OXCT1: variants seen among roughly 807,000 people sequenced by gnomAD.
OXCT1 encodes succinyl-CoA:3-ketoacid coenzyme A transferase 1, mitochondrial.
A neutral mutation model predicts 69.6 loss-of-function variants in OXCT1; 27 were observed. The observed-to-expected ratio is 0.39, with a 90% CI of 0.29 to 0.54. The LOEUF (loss-of-function observed/expected upper bound fraction) is 0.54. OXCT1 is among the 20% of genes least tolerant of loss of function. OXCT1 has a pLI of 0.72. For synonymous variants in OXCT1, 202 were observed against 217.8 expected (o/e 0.93, Z 0.64); for missense variants, 437 against 650.2 (o/e 0.67, Z 3.57).
At chr5:41,742,292 C>A (rs1743208063) in intron 15 of OXCT1, among the ~76,000 whole-genome samples, 1 of 152,004 alleles carries the variant, frequency 6.6e-6, no homozygotes, top group South Asian at 2.1e-4. Flanking sequence ...AAGGTGCAAA[C>A]AAAAAATTGA....
At chr5:41,789,158 CTT>C (rs1386508796) in intron 13 of OXCT1, among the ~76,000 whole-genome samples, 3 of 152,200 alleles carry the variant, frequency 2.0e-5, no homozygotes, top group Non-Finnish European at 4.4e-5. Context: ...GTTGGCAAAT[CTT>C]TTCTGTAAAG....
chr5:41,811,127 G>C (rs1746965909), intron 7 of OXCT1, among the ~76,000 whole-genome samples: 1 of 150,550 alleles, frequency 6.6e-6, no homozygotes, highest in Admixed American at 6.6e-5. Flanking sequence ...ATAAAAGGGG[G>C]AGACAATAAG....
intron 1 of OXCT1, among the ~76,000 whole-genome samples, chr5:41,863,245 A>G (rs1161319072): frequency 6.6e-6 from 1 of 152,194 alleles, no homozygotes; most frequent in Non-Finnish European, 1.5e-5. Context: ...CCCCTTGGAT[A>G]AGGGAGGATA....
At chr5:41,843,119 T>C (rs1337045748) in intron 5 of OXCT1, among the ~76,000 whole-genome samples, 2 of 152,232 alleles carry the variant, frequency 1.3e-5, no homozygotes, top group African/African-American at 4.8e-5. Context: ...AAATAGTCCT[T>C]CTTTCCCTCT....
chr5:41,804,073 T>G (rs902409779), intron 9 of OXCT1, among the ~76,000 whole-genome samples: 2 of 152,138 alleles, frequency 1.3e-5, no homozygotes, highest in Non-Finnish European at 2.9e-5. Flanking sequence ...TGCCATATTA[T>G]AAACTACAAA....
intron 7 of OXCT1, among the ~76,000 whole-genome samples, chr5:41,816,355 C>A (rs564504809): frequency 6.6e-6 from 1 of 152,224 alleles, no homozygotes; most frequent in South Asian, 2.1e-4. Context: ...AAAACTAGAT[C>A]TTTAAGTCCT....
At chr5:41,796,670 T>C (rs1746200420) in intron 11 of OXCT1, among the ~76,000 whole-genome samples, 1 of 152,184 alleles carries the variant, frequency 6.6e-6, no homozygotes, top group Admixed American at 6.5e-5. Flanking sequence ...ATGATAGAAA[T>C]ATTTTTGTAT....
intron 7 of OXCT1, among the ~76,000 whole-genome samples, chr5:41,833,120 C>A (rs1262218401): frequency 6.6e-6 from 1 of 152,010 alleles, no homozygotes; most frequent in Non-Finnish European, 1.5e-5. Context: ...TGTCCCAAAC[C>A]TAGAGAAAGA....
intron 13 of OXCT1, among the ~76,000 whole-genome samples, chr5:41,781,435 G>A (rs1745395164): frequency 6.6e-6 from 1 of 151,042 alleles, no homozygotes; most frequent in Non-Finnish European, 1.5e-5. Context: ...CACAGCTGCT[G>A]CTTTTTTTTT....
At chr5:41,799,591 G>C (rs1746336243) in intron 11 of OXCT1, among the ~76,000 whole-genome samples, 1 of 152,230 alleles carries the variant, frequency 6.6e-6, no homozygotes, top group East Asian at 1.9e-4. Context: ...AAAGAAAGTG[G>C]GTTTTATAAA....
At position 41,870,328 on chromosome 5, in the gene OXCT1, G is replaced by A. The variant is rs768386652; in HGVS notation, c.31C>T (p.Leu11Phe). Residue 11 changes from leucine (L) to phenylalanine (F), a missense_variant, in exon 1 of 17, where the codon CTT (leucine) becomes TTT (phenylalanine). Leu to Phe is a conservative substitution (Grantham distance 22). This residue lies in a region of OXCT1 where 79 missense variants were observed against 61.5 expected (regional missense o/e 1.28). Transcript: ENST00000196371. The surrounding 1 kb of genome is among the most constrained non-coding windows in gnomAD (Gnocchi z 4.2). ...CCGCGGGCAGAGGCGCAGAGCCGAAGCCCGGAGGAGAGGAGTTTGAGAGCC... is the reference window on the plus strand; with the variant it reads ...CCGCGGGCAGAGGCGCAGAGCCGAAACCCGGAGGAGAGGAGTTTGAGAGCC... MAALKLLSSG[L>F]RLCASARGSG... 3 of 1,613,898 alleles carry A rather than the reference G, an allele frequency of 1.9e-6. No homozygotes were observed. The highest frequency in any genetic ancestry group is 2.2e-5 in the East Asian group (1 of 44,852).
intron 16 of OXCT1, among the ~76,000 whole-genome samples, chr5:41,735,780 G>A (rs1403330345): frequency 6.6e-6 from 1 of 152,136 alleles, no homozygotes; most frequent in East Asian, 1.9e-4. Context: ...GTCCCTTATT[G>A]ATGTAATTAA....
At chr5:41,741,154 G>A (rs1561354276) in intron 15 of OXCT1, among the ~76,000 whole-genome samples, 1 of 152,070 alleles carries the variant, frequency 6.6e-6, no homozygotes, top group South Asian at 2.1e-4. Context: ...GTTTTACCAT[G>A]TTGGTCAGGC....
Position 41,809,486 on chromosome 5 carries a change from C to T in OXCT1, c.733-2048G>A, listed in dbSNP as rs114391142. 4.9e-3 allele frequency among the ~76,000 whole-genome samples: 746 copies of T among 152,068 alleles called. 7 individuals carry two copies. The highest frequency in any genetic ancestry group is 0.017 in the African/African-American group (699 of 41,504). On this transcript the variant is annotated intron_variant, in intron 7 of 16. Transcript: ENST00000196371. ...CATTATGAACTAAACTAAGCAAACC[C>T]TTCTTGCCTGCACATTTGAAAATAA... is the stretch of plus-strand genomic sequence containing the variant.
chr5:41,789,460 T>C (rs1261409940), intron 13 of OXCT1, among the ~76,000 whole-genome samples: 1 of 152,160 alleles, frequency 6.6e-6, no homozygotes, highest in Non-Finnish European at 1.5e-5. Context: ...GCCAGATCAA[T>C]ACATGTTGAA....
intron 15 of OXCT1, among the ~76,000 whole-genome samples, chr5:41,746,944 A>G (rs753367255): frequency 5.3e-5 from 8 of 152,018 alleles, no homozygotes; most frequent in Non-Finnish European, 1.2e-4. Flanking sequence ...TCTCTTTCAA[A>G]TCTCTCTATC....
At chr5:41,813,381 G>C (rs772976905) in intron 7 of OXCT1, among the ~76,000 whole-genome samples, 1 of 152,028 alleles carries the variant, frequency 6.6e-6, no homozygotes, top group Non-Finnish European at 1.5e-5. Context: ...TATCTTTTGA[G>C]GGCAAATGTA....
chr5:41,833,858 C>T (rs1277404292), intron 7 of OXCT1, among the ~76,000 whole-genome samples: 1 of 151,916 alleles, frequency 6.6e-6, no homozygotes, highest in Non-Finnish European at 1.5e-5. Flanking sequence ...GTCAGGAGTT[C>T]GAGACCAACT....
rs116310250 is a variant in OXCT1 at position 41,776,553 on chromosome 5, A to G, written c.1249-14353T>C. ...AGTAACTCTTTAAGCCTGTTGCTAA[A>G]CGGCTTTGCAAAATCTGACTCAGAA... is the stretch of plus-strand genomic sequence containing the variant. On this transcript the variant is annotated intron_variant, in intron 13 of 16. Coordinates refer to ENST00000196371, the MANE Select transcript of OXCT1 (RefSeq NM_000436.4). Among the ~76,000 whole-genome samples, 444 of 152,326 alleles carry G rather than the reference A, an allele frequency of 2.9e-3. 2 individuals carry two copies. The highest frequency in any genetic ancestry group is 0.01 in the African/African-American group (425 of 41,576).
Sources: gnomAD v4.1 joint callset for allele counts (sites outside exome capture counted in the v4.1 genomes callset) on GRCh38, gnomAD v4.1.1 for gene constraint, gnomAD v4.1.1 regional missense constraint, Gnocchi (gnomAD v3.1) non-coding constraint, MANE v1.5 for transcripts, NCBI Gene and HGNC (gene_info 2026-07-23, HGNC 2026-07-21) for gene names.